Variants in PTPRK observed in about 807,000 individuals in gnomAD.
PTPRK encodes the protein protein tyrosine phosphatase receptor type K.
In PTPRK, 75 loss-of-function variants were observed where a neutral mutation model predicts 178.0. The observed-to-expected ratio is 0.42, with a 90% CI of 0.35 to 0.51. The LOEUF (loss-of-function observed/expected upper bound fraction) is 0.51, where lower values mean the gene tolerates loss of function less well. Ranked by LOEUF, PTPRK falls within the 20% of genes least tolerant of loss-of-function variation. The probability of loss-of-function intolerance (pLI) is 0.02; values close to 1 mark genes in which losing one functional copy is unlikely to be tolerated. For missense variants in PTPRK, 1,441 were observed against 1,797.8 expected (o/e 0.80, Z 3.59); for synonymous variants, 637 against 620.6 (o/e 1.03, Z -0.39).
chr6:128,187,561 T>C (rs572613669), intron 6 of PTPRK, among the ~76,000 whole-genome samples: 12 of 152,310 alleles, frequency 7.9e-5, no homozygotes, highest in African/African-American at 2.9e-4. Flanking sequence ...TGTTTTGCCA[T>C]ATAGCATATA....
Position 128,457,347 on chromosome 6 carries a change from A to G in PTPRK, c.101-59659T>C, listed in dbSNP as rs550016364. On this transcript the variant is annotated intron_variant, in intron 1 of 29. Coordinates refer to ENST00000368226, the MANE Select transcript of PTPRK (RefSeq NM_002844.4). Reference sequence around the variant, plus strand: ...CTTGTTGCATCACTTTTTGTGCTGCATCTATAACCAAGTTCAGAATAAATC... The same window carrying G: ...CTTGTTGCATCACTTTTTGTGCTGCGTCTATAACCAAGTTCAGAATAAATC... Among the ~76,000 whole-genome samples, 14 of 152,228 alleles carry G rather than the reference A, an allele frequency of 9.2e-5. No individual in the cohort carries two copies. The South Asian group carries it at 2.7e-3, about 29-fold the overall frequency.
intron 7 of PTPRK, among the ~76,000 whole-genome samples, chr6:128,109,913 G>T (rs925598630): frequency 1.4e-4 from 22 of 151,920 alleles, no homozygotes; most frequent in African/African-American, 5.3e-4. Context: ...TTTTTTGGGG[G>T]GGGAGGAGGA....
intron 21 of PTPRK, among the ~76,000 whole-genome samples, chr6:127,988,198 G>GGGGAAGAGA: frequency 6.6e-6 from 1 of 151,922 alleles, no homozygotes; most frequent in South Asian, 2.1e-4. Flanking sequence ...AGAGGAAGAG[G>GGGGAAGAGA]GGGAAGAGAG....
intron 3 of PTPRK, among the ~76,000 whole-genome samples, chr6:128,255,054 G>A (rs540353935): frequency 2.0e-5 from 3 of 152,160 alleles, no homozygotes; most frequent in Non-Finnish European, 4.4e-5. Context: ...ACAGTGACGC[G>A]ATCTCAGCTC....
chr6:128,157,179 C>T lies in PTPRK; in HGVS notation c.1162+27253G>A, dbSNP rs552302602. Among the ~76,000 whole-genome samples the T allele has an allele frequency of 8.6e-5, 13 of 151,930 alleles. No homozygotes were observed. The South Asian group carries it at 2.7e-3, about 31-fold the overall frequency. On this transcript the variant is annotated intron_variant, in intron 7 of 29. Coordinates refer to ENST00000368226, the MANE Select transcript of PTPRK (RefSeq NM_002844.4). ...TGTGTCTGATCACAGGAAGTTGTTC[C>T]AGACTCCACTAGAGAATTAATAAGC...
chr6:128,195,292 G>T (rs927695601), intron 6 of PTPRK, among the ~76,000 whole-genome samples: 1 of 151,892 alleles, frequency 6.6e-6, no homozygotes, highest in Non-Finnish European at 1.5e-5. Flanking sequence ...AACATACAAC[G>T]TACAAGCATA....
At chr6:128,468,946 A>G (rs1850249466) in intron 1 of PTPRK, among the ~76,000 whole-genome samples, 1 of 150,524 alleles carries the variant, frequency 6.6e-6, no homozygotes, top group South Asian at 2.1e-4. Flanking sequence ...AAAAACCTTA[A>G]TGTATTCAAT....
intron 5 of PTPRK, among the ~76,000 whole-genome samples, chr6:128,229,952 AACAAAT>A (rs1812022988): frequency 1.3e-5 from 2 of 151,774 alleles, no homozygotes; most frequent in African/African-American, 4.9e-5. Flanking sequence ...TCATCAACTA[AACAAAT>A]ACAAAAGAAA....
intron 1 of PTPRK, among the ~76,000 whole-genome samples, chr6:128,475,991 T>C (rs565599728): frequency 6.6e-6 from 1 of 152,216 alleles, no homozygotes; most frequent in South Asian, 2.1e-4. Flanking sequence ...ACTCAGCACT[T>C]AGAATTCTTT....
intron 1 of PTPRK, among the ~76,000 whole-genome samples, chr6:128,398,157 G>A (rs1840580337): frequency 1.3e-5 from 2 of 152,126 alleles, no homozygotes; most frequent in Non-Finnish European, 2.9e-5. Context: ...GCAGCTCAAG[G>A]GAACAGTACG....
chr6:128,321,993 G>C, intron 3 of PTPRK, 46 bp downstream of exon 3: 3 of 1,610,978 alleles, frequency 1.9e-6, no homozygotes, highest in Admixed American at 1.7e-5. Flanking sequence ...CATATAGTGA[G>C]AACTGATGAC....
chr6:128,295,708 C>A (rs1490558556), intron 3 of PTPRK, among the ~76,000 whole-genome samples: 2 of 152,068 alleles, frequency 1.3e-5, no homozygotes, highest in Non-Finnish European at 2.9e-5. Context: ...TAAACTTAAG[C>A]AAGTTAGTTT....
intron 1 of PTPRK, among the ~76,000 whole-genome samples, chr6:128,497,891 A>T (rs1854960849): frequency 6.6e-6 from 1 of 152,152 alleles, no homozygotes; most frequent in Admixed American, 6.5e-5. Context: ...ACTGTAGAAC[A>T]TTTTAAAAGA....
chr6:128,322,667 A>ATATATATATATAT (rs1828966029), intron 2 of PTPRK, among the ~76,000 whole-genome samples: 1 of 143,722 alleles, frequency 7.0e-6, no homozygotes, highest in African/African-American at 2.7e-5. Context: ...CTTTTAATAT[A>ATATATATATATAT]ATATATATAT....
chr6:127,993,130 A>T (rs987433290), intron 18 of PTPRK, among the ~76,000 whole-genome samples: 1 of 151,786 alleles, frequency 6.6e-6, no homozygotes, highest in African/African-American at 2.4e-5. Flanking sequence ...ACCATAAAAA[A>T]ATAACAGAAC....
chr6:128,081,679 C>T (rs1171847596), intron 10 of PTPRK, among the ~76,000 whole-genome samples: 2 of 151,858 alleles, frequency 1.3e-5, no homozygotes, highest in Non-Finnish European at 2.9e-5. Context: ...TCAAATTTAA[C>T]TCTTCATTTA....
chr6:128,228,538 T>C (rs998193210), intron 5 of PTPRK, among the ~76,000 whole-genome samples: 2 of 147,498 alleles, frequency 1.4e-5, no homozygotes, highest in Non-Finnish European at 3.0e-5. Context: ...TGGGCGCCTG[T>C]AGTTCCAGCT....
At chr6:128,464,648 T>TAC (rs1457390149) in intron 1 of PTPRK, among the ~76,000 whole-genome samples, 4 of 93,976 alleles carry the variant, frequency 4.3e-5, no homozygotes, top group Non-Finnish European at 8.3e-5. Flanking sequence ...CATATATATA[T>TAC]ATATATATAT....
At chr6:127,974,037 C>T (rs944604823) in intron 27 of PTPRK, among the ~76,000 whole-genome samples, 1 of 152,186 alleles carries the variant, frequency 6.6e-6, no homozygotes, top group Admixed American at 6.5e-5. Flanking sequence ...GTTTCTCCCT[C>T]GCACTATGTA....
Sources: allele counts gnomAD v4.1 joint callset (sites outside exome capture counted in the v4.1 genomes callset), GRCh38; gene constraint gnomAD v4.1.1; transcripts MANE v1.5; gene names NCBI Gene and HGNC (gene_info 2026-07-23, HGNC 2026-07-21).